Variants in FNDC3B observed in about 807,000 individuals in gnomAD.
FNDC3B encodes fibronectin type III domain-containing protein 3B.
Under a neutral mutation model 151.5 loss-of-function variants are expected in FNDC3B, and 12 were observed. That is an observed-to-expected ratio of 0.08 (90% confidence interval 0.05 to 0.13). The LOEUF (loss-of-function observed/expected upper bound fraction) is 0.13. Ranked by LOEUF, FNDC3B falls within the 10% of genes least tolerant of loss-of-function variation. FNDC3B has a pLI of 1.00. For synonymous variants in FNDC3B, 528 were observed against 549.0 expected (o/e 0.96, Z 0.54); for missense variants, 1,214 against 1,505.3 (o/e 0.81, Z 3.20).
At position 172,352,383 on chromosome 3, in the gene FNDC3B, G is replaced by A. The variant is rs759226392; in HGVS notation, c.2515-420G>A. On this transcript the variant is annotated intron_variant, in intron 21 of 25. Coordinates refer to ENST00000415807, the MANE Select transcript of FNDC3B (RefSeq NM_022763.4). The surrounding 1 kb of genome is among the most constrained non-coding windows in gnomAD (Gnocchi z 4.2). Reference sequence around the variant, plus strand: ...TCTAGACTTAAAAGTCAGATGAACCGGATTCCGGTCCCAGCTTTGCCTCTA... The same window carrying A: ...TCTAGACTTAAAAGTCAGATGAACCAGATTCCGGTCCCAGCTTTGCCTCTA... Among the ~76,000 whole-genome samples, 5 of 152,060 alleles carry A rather than the reference G, an allele frequency of 3.3e-5. No individual in the cohort carries two copies. Among genetic ancestry groups the A allele is most frequent in the South Asian group, 2.1e-4 (1 of 4,824 alleles).
At chr3:172,311,588 C>G (rs1045282534) in intron 11 of FNDC3B, among the ~76,000 whole-genome samples, 1 of 151,792 alleles carries the variant, frequency 6.6e-6, no homozygotes, top group Non-Finnish European at 1.5e-5. Flanking sequence ...AACTGTAGGT[C>G]GGGCGCGATG....
At chr3:172,059,666 G>C (rs1374914293) in intron 1 of FNDC3B, among the ~76,000 whole-genome samples, 1 of 152,026 alleles carries the variant, frequency 6.6e-6, no homozygotes, top group Non-Finnish European at 1.5e-5. Flanking sequence ...TAGGCGTATT[G>C]TTTATTTTTC....
intron 3 of FNDC3B, chr3:172,186,645 A>G: frequency 1.5e-6 from 1 of 673,760 alleles, no homozygotes; most frequent in Non-Finnish European, 2.7e-6. Context: ...GAAAATGGCA[A>G]GAAAATCATG....
Position 172,185,992 on chromosome 3 carries a change from G to A in FNDC3B, c.188-40879G>A, listed in dbSNP as rs147017255. Among the ~76,000 whole-genome samples the A allele has an allele frequency of 3.9e-3, 594 of 152,284 alleles. 5 individuals are homozygous for A. Among genetic ancestry groups the A allele is most frequent in the African/African-American group, 0.013 (554 of 41,536 alleles). On this transcript the variant is annotated intron_variant, in intron 3 of 25. Coordinates refer to ENST00000415807, the MANE Select transcript of FNDC3B (RefSeq NM_022763.4). Reference sequence around the variant, plus strand: ...TAGAAACCAGATAATAAAAAGGAGCGTTAATATAATTGGCAAAAAGATGGT... The same window carrying A: ...TAGAAACCAGATAATAAAAAGGAGCATTAATATAATTGGCAAAAAGATGGT...
chr3:172,356,878 G>A (rs1207837129), intron 22 of FNDC3B, among the ~76,000 whole-genome samples: 1 of 151,966 alleles, frequency 6.6e-6, no homozygotes, highest in Non-Finnish European at 1.5e-5. Context: ...TTTACCTGCG[G>A]GCCCTCTCAG....
At chr3:172,259,084 G>GT (rs1401551276) in intron 6 of FNDC3B, among the ~76,000 whole-genome samples, 2 of 152,142 alleles carry the variant, frequency 1.3e-5, no homozygotes, top group East Asian at 1.9e-4. Flanking sequence ...TGAATCCTGT[G>GT]TTTTTTCACC....
At chr3:172,279,311 G>C (rs1729585980) in intron 6 of FNDC3B, among the ~76,000 whole-genome samples, 1 of 152,162 alleles carries the variant, frequency 6.6e-6, no homozygotes, top group Admixed American at 6.5e-5. Context: ...TTGTCCCATT[G>C]ACATTCTCTG....
intron 22 of FNDC3B, among the ~76,000 whole-genome samples, chr3:172,356,002 T>C (rs1458395681): frequency 1.3e-5 from 2 of 152,254 alleles, no homozygotes. Context: ...TGACTCAGAC[T>C]GAGCTGGCAG....
intron 1 of FNDC3B, among the ~76,000 whole-genome samples, chr3:172,050,762 CTT>C (rs982435119): frequency 4.8e-5 from 7 of 147,134 alleles, no homozygotes; most frequent in African/African-American, 1.3e-4. Context: ...TATATATACT[CTT>C]TATATAGTGT....
intron 2 of FNDC3B, among the ~76,000 whole-genome samples, chr3:172,116,597 G>A (rs548870101): frequency 1.6e-4 from 24 of 151,684 alleles, no homozygotes; most frequent in African/African-American, 5.3e-4. Context: ...ATGGAGTCTC[G>A]CTCTGTTGCC....
intron 25 of FNDC3B, among the ~76,000 whole-genome samples, chr3:172,388,819 A>T (rs1240388734): frequency 3.9e-5 from 6 of 152,292 alleles, no homozygotes; most frequent in African/African-American, 9.6e-5. Context: ...AGTGTTACAC[A>T]TGATTTCTGC....
intron 24 of FNDC3B, among the ~76,000 whole-genome samples, chr3:172,379,950 G>A (rs1030892230): frequency 2.0e-5 from 3 of 152,118 alleles, no homozygotes; most frequent in Admixed American, 6.5e-5. Context: ...CTCACTCTTA[G>A]ACTCAGGAAA....
rs1479127486 is a variant in FNDC3B, at chr3:172,226,626, A to G, written c.188-245A>G. On this transcript the variant is annotated intron_variant, in intron 3 of 25. Coordinates refer to ENST00000415807, the MANE Select transcript of FNDC3B (RefSeq NM_022763.4). ...TATGGAACTTGAGGTTTTGGGAATC[A>G]TTAAATATTTATAAAGATACTTATA... 2.6e-5 allele frequency among the ~76,000 whole-genome samples: 4 copies of G among 152,316 alleles called. No individual in the cohort carries two copies. In the East Asian group the frequency reaches 5.8e-4, roughly 22 times the overall value.
intron 25 of FNDC3B, among the ~76,000 whole-genome samples, chr3:172,392,553 C>T (rs1560113971): frequency 6.6e-6 from 1 of 152,054 alleles, no homozygotes; most frequent in African/African-American, 2.4e-5. Flanking sequence ...GGAGCCAACA[C>T]TAAATTCATG....
intron 3 of FNDC3B, among the ~76,000 whole-genome samples, chr3:172,193,973 C>A (rs577144286): frequency 1.3e-5 from 2 of 152,256 alleles, no homozygotes; most frequent in African/African-American, 4.8e-5. Context: ...GTAATCCCAG[C>A]ACTTTGGGAG....
intron 1 of FNDC3B, among the ~76,000 whole-genome samples, chr3:172,084,195 T>C (rs1200848751): frequency 6.6e-6 from 1 of 152,074 alleles, no homozygotes; most frequent in African/African-American, 2.4e-5. Context: ...ACGTCTTTAA[T>C]CCCAGTAGCT....
chr3:172,262,653 A>T lies in FNDC3B; in HGVS notation c.790+11112A>T, dbSNP rs142011780. On this transcript the variant is annotated intron_variant, in intron 6 of 25. Coordinates refer to ENST00000415807, the MANE Select transcript of FNDC3B (RefSeq NM_022763.4). The stretch of plus-strand genomic sequence containing the variant: ...AGCACAAGATGCCAGGCATGGGAGG[A>T]TCACTTTGTGAGGCCAAGGCGAGAG... Among the ~76,000 whole-genome samples the T allele has an allele frequency of 3.3e-3, 497 of 151,648 alleles. 1 individual carries two copies. Among genetic ancestry groups the T allele is most frequent in the Non-Finnish European group, 5.8e-3 (396 of 67,922 alleles).
chr3:172,231,001 C>T (rs182017003), intron 4 of FNDC3B, among the ~76,000 whole-genome samples: 7 of 152,268 alleles, frequency 4.6e-5, no homozygotes, highest in Admixed American at 3.9e-4. Context: ...AACACTTGTA[C>T]AGGAATGTTC....
Position 172,216,056 on chromosome 3 carries a change from G to A in FNDC3B, c.188-10815G>A, listed in dbSNP as rs576191315. On this transcript the variant is annotated intron_variant, in intron 3 of 25. Coordinates refer to ENST00000415807, the MANE Select transcript of FNDC3B (RefSeq NM_022763.4). ...ACGCTGTGTGAGAAAGTCCGAGGGC[G>A]TCTCGGATGCCCTTCATGTGCCAAA... Among the ~76,000 whole-genome samples the A allele has an allele frequency of 5.3e-4, 81 of 151,968 alleles. No homozygotes were observed. In the Middle Eastern group the frequency reaches 0.01, roughly 19 times the overall value.
Sources: gnomAD v4.1 joint callset for allele counts (sites outside exome capture counted in the v4.1 genomes callset) on GRCh38, gnomAD v4.1.1 for gene constraint, Gnocchi (gnomAD v3.1) non-coding constraint, MANE v1.5 for transcripts, NCBI Gene and HGNC (gene_info 2026-07-23, HGNC 2026-07-21) for gene names.